The following DHRS7 variants were observed in gnomAD, a reference collection of about 807,000 sequenced individuals.
DHRS7 encodes dehydrogenase/reductase SDR family member 7.
In DHRS7, 34 loss-of-function variants were observed where a neutral mutation model predicts 38.9. That is an observed-to-expected ratio of 0.87 (90% CI 0.66 to 1.16). DHRS7 has a LOEUF of 1.16. DHRS7 is among the 50% of genes most tolerant of loss of function. The pLI is 0.00. For missense variants in DHRS7, 421 were observed against 407.0 expected (o/e 1.03, Z -0.30); for synonymous variants, 158 against 153.1 (o/e 1.03, Z -0.24).
chr14:60,164,049 C>T (rs953867154), intron 1 of DHRS7, among the ~76,000 whole-genome samples: 3 of 152,096 alleles, frequency 2.0e-5, no homozygotes, highest in African/African-American at 4.8e-5. Flanking sequence ...GTGTATTTTT[C>T]GTGAACTCAA....
upstream of DHRS7, chr14:60,165,714 G>A: frequency 1.0e-6 from 1 of 975,872 alleles, no homozygotes; most frequent in Non-Finnish European, 1.2e-6. This position sits in a 1 kb window ranked among gnomAD's most constrained non-coding sequence, Gnocchi z 4.6. Context: ...CACTATCAAC[G>A]GCCAGGAGAC....
chr14:60,150,947 C>G (rs1432192808), intron 4 of DHRS7, among the ~76,000 whole-genome samples: 1 of 152,050 alleles, frequency 6.6e-6, no homozygotes, highest in Non-Finnish European at 1.5e-5. Context: ...GCTCTTCATA[C>G]CAGTCCTCCT....
At chr14:60,150,445 T>TCC (rs1896519766) in intron 4 of DHRS7, among the ~76,000 whole-genome samples, 2 of 152,142 alleles carry the variant, frequency 1.3e-5, no homozygotes, top group Admixed American at 6.5e-5. Flanking sequence ...TAGGCATATC[T>TCC]CCTAATGCTA....
At chr14:60,155,564 A>G (rs1275341055) in intron 2 of DHRS7, among the ~76,000 whole-genome samples, 1 of 152,200 alleles carries the variant, frequency 6.6e-6, no homozygotes, top group Non-Finnish European at 1.5e-5. Flanking sequence ...AGCTAATTCC[A>G]TTCCTGTTCT....
rs756252412 is a variant in DHRS7 at position 60,156,129 on chromosome 14, C to T, written c.157G>A (p.Val53Met). 1.3e-6 allele frequency: 2 copies of T among 1,596,574 alleles called. No homozygotes were observed. The highest frequency in any genetic ancestry group is 4.6e-5 in the East Asian group (2 of 43,594). Residue 53 changes from valine to methionine, a missense_variant, in exon 2 of 7, where the codon GTG becomes ATG. Physicochemically the swap from Val to Met is conservative, Grantham distance 21. Transcript: ENST00000557185. ...CCACTCGAGGCTCCAGTCACCCACACCACCATATCAGTCAGCTCCCATTCT... is the reference window on the plus strand; with the variant it reads ...CCACTCGAGGCTCCAGTCACCCACATCACCATATCAGTCAGCTCCCATTCT... ...RPEWELTDMV[V>M]WVTGASSGIG... is the part of the protein sequence containing the mutation.
At chr14:60,159,705 G>A (rs970871529) in intron 1 of DHRS7, among the ~76,000 whole-genome samples, 3 of 152,166 alleles carry the variant, frequency 2.0e-5, no homozygotes, top group Admixed American at 2.0e-4. Context: ...TGACTGCACA[G>A]ATTCATGTAC....
chr14:60,145,836 A>G lies in DHRS7; in HGVS notation c.973-823T>C, dbSNP rs1896391709. On this transcript the variant is annotated intron_variant, in intron 6 of 6. Transcript: ENST00000557185. This position sits in a 1 kb window ranked among gnomAD's most constrained non-coding sequence, Gnocchi z 4.0. ...GCACTAAGAAAGACAAAATAATAAT[A>G]ATGATAATACAAAATTCAGTGTAGC... The G allele has an allele frequency of 6.6e-6, 1 of 152,080 alleles. No homozygotes were observed. Among genetic ancestry groups the G allele is most frequent in the African/African-American group, 2.4e-5 (1 of 41,442 alleles). 9.4% of individuals were successfully genotyped at this position (152,080 alleles called of 1,614,324 possible).
At chr14:60,169,255 T>C (rs1896905118), upstream of DHRS7, 1 of 151,542 alleles carries the variant, frequency 6.6e-6, no homozygotes. Context: ...CAAGGCCTTG[T>C]ACATACTGTT....
chr14:60,157,359 AC>A (rs1896679545), intron 1 of DHRS7, among the ~76,000 whole-genome samples: 1 of 152,256 alleles, frequency 6.6e-6, no homozygotes, highest in Non-Finnish European at 1.5e-5. Flanking sequence ...AGTATCTAGT[AC>A]ATACTCAGTG....
At chr14:60,156,417 T>C (rs2140603763) in intron 1 of DHRS7, among the ~76,000 whole-genome samples, 1 of 152,266 alleles carries the variant, frequency 6.6e-6, no homozygotes, top group East Asian at 1.9e-4. Context: ...AGACTTTACT[T>C]CAAGGTAAGC....
chr14:60,165,241 C>T lies in DHRS7; in HGVS notation c.69G>A (p.Leu23=), dbSNP rs1460533927. The T allele has an allele frequency of 6.2e-6, 10 of 1,610,510 alleles. No individual in the cohort carries two copies. The East Asian group carries it at 2.2e-4, about 36-fold the overall frequency. ...GGTCGCCGTCAGCCCTCAGGAAGCG[C>T]AGCAGCTGCACCAAGAGCAGGAGCA... ...CALLLLLVQL[L]RFLRADGDLT... The change falls in exon 1 of 7, where the codon CTG becomes CTA. Residue 23 remains leucine (L), a synonymous_variant. Coordinates refer to ENST00000557185, the MANE Select transcript of DHRS7 (RefSeq NM_016029.4). This position sits in a 1 kb window ranked among gnomAD's most constrained non-coding sequence, Gnocchi z 4.6.
chr14:60,165,046 C>T lies in DHRS7; in HGVS notation c.133+131G>A. On this transcript the variant is annotated intron_variant, in intron 1 of 6. Coordinates refer to ENST00000557185, the MANE Select transcript of DHRS7 (RefSeq NM_016029.4). The surrounding 1 kb of genome is among the most constrained non-coding windows in gnomAD (Gnocchi z 4.6). Reference sequence around the variant, plus strand: ...CCCGCAGCCCCTGCGTAAGGGGCAGCCGGGCCTTCGGGAAGCTCCACGCAA... The same window carrying T: ...CCCGCAGCCCCTGCGTAAGGGGCAGTCGGGCCTTCGGGAAGCTCCACGCAA... The T allele has an allele frequency of 8.3e-7, 1 of 1,208,566 alleles. No individual in the cohort carries two copies. The highest frequency in any genetic ancestry group is 1.4e-5 in the South Asian group (1 of 72,514). The allele number at this position is 1,208,566 out of a possible 1,614,324, so 74.9% of individuals were successfully genotyped here.
chr14:60,153,265 T>G lies in DHRS7; in HGVS notation c.394-87A>C. On this transcript the variant is annotated intron_variant, in intron 3 of 6. Transcript: ENST00000557185. This position sits in a 1 kb window ranked among gnomAD's most constrained non-coding sequence, Gnocchi z 4.4. ...TTCCTATGGATGGTTGGTTATTTTG[T>G]TAACTTAAAGAATCAATGGAACAAT... 1 of 1,465,692 alleles carries G rather than the reference T, an allele frequency of 6.8e-7. No homozygotes were observed. Among genetic ancestry groups the G allele is most frequent in the Non-Finnish European group, 9.3e-7 (1 of 1,070,806 alleles). The allele number at this position is 1,465,692 out of a possible 1,614,324, so 90.8% of individuals were successfully genotyped here.
intron 1 of DHRS7, among the ~76,000 whole-genome samples, chr14:60,159,599 T>C (rs1280005947): frequency 6.6e-6 from 1 of 152,202 alleles, no homozygotes; most frequent in East Asian, 1.9e-4. Context: ...AAATTTGCTC[T>C]GATTTGTGGG....
intron 5 of DHRS7, 131 bp downstream of exon 5, chr14:60,149,934 G>A: frequency 1.1e-6 from 1 of 869,736 alleles, no homozygotes; most frequent in Non-Finnish European, 1.7e-6. Context: ...ATAATGGCAG[G>A]AGTTTTGTGA....
Position 60,165,348 on chromosome 14 carries a change from C to T in DHRS7, c.-39G>A, listed in dbSNP as rs1394617412. ...GCCCAGCTCGGGGGGAAGAAGACGG[C>T]CCGCACCAGAGTCGCGTCGCTGCCC... On this transcript the variant is annotated 5_prime_UTR_variant, in exon 1 of 7. Transcript: ENST00000557185. This position sits in a 1 kb window ranked among gnomAD's most constrained non-coding sequence, Gnocchi z 4.6. 8.4e-6 allele frequency: 13 copies of T among 1,548,862 alleles called. No homozygotes were observed. Among genetic ancestry groups the T allele is most frequent in the African/African-American group, 1.4e-5 (1 of 73,736 alleles).
intron 2 of DHRS7, among the ~76,000 whole-genome samples, chr14:60,154,682 C>A (rs573088270): frequency 6.6e-6 from 1 of 152,162 alleles, no homozygotes; most frequent in East Asian, 1.9e-4. Context: ...GAAAAACAAG[C>A]AAGTATAGAA....
chr14:60,144,853 A>C lies in DHRS7; in HGVS notation c.*113T>G, dbSNP rs1300876163. The C allele has an allele frequency of 1.1e-6, 1 of 903,170 alleles. No homozygotes were observed. The highest frequency in any genetic ancestry group is 1.5e-5 in the South Asian group (1 of 67,252). The allele number at this position is 903,170 out of a possible 1,614,324, so 55.9% of individuals were successfully genotyped here. ...CCATGTTGGAAGCAAAGTCATATCT[A>C]TTAAAAAGTAAAATCACAAATTAGT... On this transcript the variant is annotated 3_prime_UTR_variant, in exon 7 of 7. Transcript: ENST00000557185.
chr14:60,165,035 G>C lies in DHRS7; in HGVS notation c.133+142C>G, dbSNP rs1896839029. On this transcript the variant is annotated intron_variant, in intron 1 of 6. Coordinates refer to ENST00000557185, the MANE Select transcript of DHRS7 (RefSeq NM_016029.4). This position sits in a 1 kb window ranked among gnomAD's most constrained non-coding sequence, Gnocchi z 4.6. ...TTCCTCCCCAACCCGCAGCCCCTGC[G>C]TAAGGGGCAGCCGGGCCTTCGGGAA... 9.3e-7 allele frequency: 1 copy of C among 1,077,252 alleles called. No homozygotes were observed. The allele number at this position is 1,077,252 out of a possible 1,614,324, so 66.7% of individuals were successfully genotyped here.
Sources: gnomAD v4.1 joint callset for allele counts (sites outside exome capture counted in the v4.1 genomes callset) on GRCh38, gnomAD v4.1.1 for gene constraint, Gnocchi (gnomAD v3.1) non-coding constraint, MANE v1.5 for transcripts, NCBI Gene and HGNC (gene_info 2026-07-23, HGNC 2026-07-21) for gene names.